The following DLGAP2 variants were observed in gnomAD, a reference collection of about 807,000 sequenced individuals.
DLGAP2 encodes DLG associated protein 2.
Under a neutral mutation model 100.3 loss-of-function variants are expected in DLGAP2, and 26 were observed. The ratio of observed to expected loss-of-function variants is 0.26; its 90% CI spans 0.19 to 0.36. DLGAP2 has a LOEUF of 0.36. DLGAP2 is among the 10% of genes least tolerant of loss of function. The probability of loss-of-function intolerance (pLI) is 1.00; values close to 1 mark genes in which losing one functional copy is unlikely to be tolerated. For synonymous variants in DLGAP2, 886 were observed against 630.1 expected (o/e 1.41, Z -6.08); for missense variants, 1,858 against 1,453.2 (o/e 1.28, Z -4.53).
intron 1 of DLGAP2, among the ~76,000 whole-genome samples, chr8:772,261 T>C (rs1821382945): frequency 6.6e-6 from 1 of 152,178 alleles, no homozygotes; most frequent in Non-Finnish European, 1.5e-5. Context: ...GGCAAAATCA[T>C]GTTTAATAAT....
intron 2 of DLGAP2, among the ~76,000 whole-genome samples, chr8:984,802 A>G (rs187340024): frequency 3.9e-5 from 6 of 152,314 alleles, no homozygotes; most frequent in African/African-American, 9.6e-5. Flanking sequence ...GGTTAGGACA[A>G]TGAATGCAAG....
Position 1,242,057 on chromosome 8 carries a change from A to C in DLGAP2, c.74-16794A>C, listed in dbSNP as rs550488196. On this transcript the variant is annotated intron_variant, in intron 2 of 14. Transcript: ENST00000637795. ...TGATGATTGGCGTATATTCCAGTAT[A>C]ATTTGGTATAACGGGATTTAATTTG... is the stretch of plus-strand genomic sequence containing the variant. 5.3e-5 allele frequency among the ~76,000 whole-genome samples: 8 copies of C among 152,284 alleles called. No individual in the cohort carries two copies. The South Asian group carries it at 8.3e-4, about 16-fold the overall frequency.
intron 2 of DLGAP2, among the ~76,000 whole-genome samples, chr8:911,917 C>T (rs990630583): frequency 6.6e-6 from 1 of 152,216 alleles, no homozygotes; most frequent in Non-Finnish European, 1.5e-5. Context: ...GATGATCTGG[C>T]TTCCTTCCCT....
chr8:824,920 A>G (rs6420232), intron 1 of DLGAP2, among the ~76,000 whole-genome samples: 151,367 of 152,296 alleles, frequency 0.99, 75,234 homozygotes, highest in Middle Eastern at 1. Context: ...CATGGAAGCC[A>G]CAGGGCATCA....
At chr8:1,104,245 T>C (rs1410759720) in intron 2 of DLGAP2, among the ~76,000 whole-genome samples, 1 of 151,966 alleles carries the variant, frequency 6.6e-6, no homozygotes, top group South Asian at 2.1e-4. Flanking sequence ...GGGCGTGCAC[T>C]GGATAGTGGA....
chr8:1,060,304 GGGC>G (rs1803039058), intron 2 of DLGAP2, among the ~76,000 whole-genome samples: 1 of 150,320 alleles, frequency 6.7e-6, no homozygotes. Flanking sequence ...CTCCCAAGGC[GGGC>G]TCCCTCTGGA....
intron 2 of DLGAP2, among the ~76,000 whole-genome samples, chr8:909,430 G>A (rs1471737463): frequency 1.3e-5 from 2 of 151,804 alleles, no homozygotes; most frequent in Non-Finnish European, 2.9e-5. Flanking sequence ...GGACATCACA[G>A]TGGGTATTAA....
chr8:1,373,647 A>C (rs535211874), intron 3 of DLGAP2: 1 of 152,370 alleles, frequency 6.6e-6, no homozygotes, highest in East Asian at 1.9e-4. Flanking sequence ...AAGGGGTTCC[A>C]GTCTCGATCA....
chr8:1,683,687 C>G (rs1799018966), intron 12 of DLGAP2, among the ~76,000 whole-genome samples: 1 of 148,994 alleles, frequency 6.7e-6, no homozygotes, highest in Admixed American at 6.6e-5. Context: ...TGCCACACTC[C>G]TGCTCACACC....
At chr8:1,056,102 C>T (rs1352171650) in intron 2 of DLGAP2, among the ~76,000 whole-genome samples, 1 of 152,160 alleles carries the variant, frequency 6.6e-6, no homozygotes, top group Non-Finnish European at 1.5e-5. Flanking sequence ...TGTATGACTT[C>T]CTCAGGCAAT....
At chr8:1,232,014 A>G (rs901261797) in intron 2 of DLGAP2, among the ~76,000 whole-genome samples, 1 of 152,242 alleles carries the variant, frequency 6.6e-6, no homozygotes, top group Non-Finnish European at 1.5e-5. Flanking sequence ...GCCAGTAGCC[A>G]AAAGAAAAAT....
At chr8:803,794 A>G (rs1371477407) in intron 1 of DLGAP2, among the ~76,000 whole-genome samples, 1 of 152,214 alleles carries the variant, frequency 6.6e-6, no homozygotes, top group Non-Finnish European at 1.5e-5. Context: ...ACTTATGCTA[A>G]AATCATGAGC....
At chr8:1,346,514 G>T (rs914734526) in intron 3 of DLGAP2, among the ~76,000 whole-genome samples, 12 of 151,984 alleles carry the variant, frequency 7.9e-5, no homozygotes, top group Admixed American at 7.9e-4. Flanking sequence ...ATAGCTGTGT[G>T]GAGGTTGAGT....
chr8:845,119 G>A (rs1260838069), intron 1 of DLGAP2, among the ~76,000 whole-genome samples: 1 of 152,208 alleles, frequency 6.6e-6, no homozygotes, highest in Non-Finnish European at 1.5e-5. Flanking sequence ...TAATTCTGCT[G>A]TGCATATTTG....
At chr8:1,601,647 A>T (rs1295947129) in intron 6 of DLGAP2, among the ~76,000 whole-genome samples, 2 of 152,146 alleles carry the variant, frequency 1.3e-5, no homozygotes, top group Non-Finnish European at 2.9e-5. Context: ...TGTTTGTCAC[A>T]TTGAAAGTAA....
At chr8:1,699,474 C>T (rs1213813000) in intron 14 of DLGAP2, among the ~76,000 whole-genome samples, 7 of 151,430 alleles carry the variant, frequency 4.6e-5, no homozygotes, top group East Asian at 3.9e-4. Context: ...ATTAGCCAGG[C>T]GTGGTGGTGG....
At chr8:1,232,389 A>G (rs1798554931) in intron 2 of DLGAP2, among the ~76,000 whole-genome samples, 1 of 152,164 alleles carries the variant, frequency 6.6e-6, no homozygotes, top group Non-Finnish European at 1.5e-5. Context: ...TGTCCTCATC[A>G]TTCCAGGTCT....
At chr8:1,586,650 A>G (rs1246891919) in intron 6 of DLGAP2, among the ~76,000 whole-genome samples, 1 of 152,188 alleles carries the variant, frequency 6.6e-6, no homozygotes, top group Admixed American at 6.5e-5. Flanking sequence ...TAGGGGTCAG[A>G]GTCCCGCCTG....
At chr8:739,015 G>T (rs2132553095) in intron 1 of DLGAP2, 1 of 143,076 alleles carries the variant, frequency 7.0e-6, no homozygotes, top group East Asian at 2.2e-4. Flanking sequence ...GCCGCCGCCG[G>T]TGAATGGCGA....
Sources: gnomAD v4.1 joint callset for allele counts (sites outside exome capture counted in the v4.1 genomes callset) on GRCh38, gnomAD v4.1.1 for gene constraint, MANE v1.5 for transcripts, NCBI Gene and HGNC (gene_info 2026-07-23, HGNC 2026-07-21) for gene names.